Variants in RB1CC1 observed in about 807,000 individuals in gnomAD.
RB1CC1 encodes RB1 inducible coiled-coil 1, also known as RB1-inducible coiled-coil protein 1.
In RB1CC1, 46 loss-of-function variants were observed where a neutral mutation model predicts 177.5. The ratio of observed to expected loss-of-function variants is 0.26; its 90% CI spans 0.20 to 0.33. The LOEUF is 0.33. Among genes scored for constraint, RB1CC1 ranks in the 10% least tolerant of loss-of-function variants. The pLI is 1.00. For synonymous variants in RB1CC1, 666 were observed against 613.6 expected (o/e 1.09, Z -1.26); for missense variants, 1,703 against 1,816.3 (o/e 0.94, Z 1.13).
intron 6 of RB1CC1, among the ~76,000 whole-genome samples, chr8:52,675,717 A>C (rs1175816623): frequency 1.8e-4 from 26 of 147,226 alleles, no homozygotes; most frequent in African/African-American, 6.4e-4. Flanking sequence ...AAAAATCCAA[A>C]AAAAAAAAAA....
intron 1 of RB1CC1, among the ~76,000 whole-genome samples, chr8:52,703,644 G>A (rs976399302): frequency 1.3e-5 from 2 of 152,138 alleles, no homozygotes; most frequent in African/African-American, 4.8e-5. Context: ...AGTACTGACA[G>A]CCCATACTTC....
At chr8:52,653,467 C>T (rs994167116) in intron 15 of RB1CC1, among the ~76,000 whole-genome samples, 2 of 152,026 alleles carry the variant, frequency 1.3e-5, no homozygotes, top group Non-Finnish European at 2.9e-5. Flanking sequence ...CGGTTAAAGA[C>T]CTACTAAAAC....
intron 15 of RB1CC1, among the ~76,000 whole-genome samples, chr8:52,646,107 T>A: frequency 6.6e-6 from 1 of 152,200 alleles, no homozygotes; most frequent in African/African-American, 2.4e-5. Flanking sequence ...AAATTCCAGA[T>A]AATTTGCTTA....
Position 52,649,223 on chromosome 8 carries a change from T to C in RB1CC1, c.3822-3356A>G, listed in dbSNP as rs117076033. Among the ~76,000 whole-genome samples the C allele has an allele frequency of 1.6e-3, 242 of 152,302 alleles. 1 individual carries two copies. Among genetic ancestry groups the C allele is most frequent in the Middle Eastern group, 3.4e-3 (1 of 294 alleles). ...AAAGGTTGTCCAACTAAAAGAAACT[T>C]GCATAATCCTGTCTTTGCATACCTG... On this transcript the variant is annotated intron_variant, in intron 15 of 23. Coordinates refer to ENST00000025008, the MANE Select transcript of RB1CC1 (RefSeq NM_014781.5).
chr8:52,690,534 G>A (rs1397874498), intron 1 of RB1CC1, among the ~76,000 whole-genome samples: 1 of 152,198 alleles, frequency 6.6e-6, no homozygotes, highest in Non-Finnish European at 1.5e-5. Flanking sequence ...GTGATCAAAG[G>A]AGGCCTCTAC....
At chr8:52,686,829 A>C (rs1048364358) in intron 2 of RB1CC1, 24 bp downstream of exon 2, 3 of 435,772 alleles carry the variant, frequency 6.9e-6, no homozygotes, top group African/African-American at 2.1e-5. Flanking sequence ...AAACTCTGCT[A>C]TACAGGTAGA....
chr8:52,661,087 T>C lies in RB1CC1; in HGVS notation c.1545+8A>G. The C allele has an allele frequency of 6.2e-7, 1 of 1,611,718 alleles. No individual in the cohort carries two copies. The highest frequency in any genetic ancestry group is 1.3e-5 in the African/African-American group (1 of 74,808). On this transcript the variant is annotated splice_region_variant and intron_variant, in intron 10 of 23. Transcript: ENST00000025008. The stretch of plus-strand genomic sequence containing the variant: ...ATATACAGTTAAAATAGAATTCAAC[T>C]TGCATACCTCCCTGTAGTGTTTTAT...
At chr8:52,643,404 T>C (rs955665020) in intron 16 of RB1CC1, among the ~76,000 whole-genome samples, 1 of 152,178 alleles carries the variant, frequency 6.6e-6, no homozygotes, top group African/African-American at 2.4e-5. Flanking sequence ...TGAATCTGTA[T>C]AAAAATTTTG....
chr8:52,661,033 CAT>C (rs1380509337), intron 10 of RB1CC1, 26 bp from the exon 11 acceptor site: 1 of 1,611,230 alleles, frequency 6.2e-7, no homozygotes, highest in South Asian at 1.1e-5. Context: ...TTATGTTAAA[CAT>C]AAACATACAC....
chr8:52,681,743 C>T (rs900883469), intron 5 of RB1CC1, among the ~76,000 whole-genome samples: 1 of 152,174 alleles, frequency 6.6e-6, no homozygotes, highest in African/African-American at 2.4e-5. Flanking sequence ...CCAACCTCGG[C>T]AACGCAGTGA....
intron 7 of RB1CC1, among the ~76,000 whole-genome samples, chr8:52,668,828 A>G (rs1852305609): frequency 6.6e-6 from 1 of 152,156 alleles, no homozygotes; most frequent in African/African-American, 2.4e-5. Context: ...ACCTTGCTTC[A>G]CTTGAGGCTC....
At chr8:52,662,559 A>G (rs1023831515) in intron 8 of RB1CC1, among the ~76,000 whole-genome samples, 36 of 152,176 alleles carry the variant, frequency 2.4e-4, no homozygotes, top group African/African-American at 8.4e-4. Context: ...ATAATGTTGT[A>G]GGTTTTGTAC....
intron 12 of RB1CC1, 31 bp from the exon 13 acceptor site, chr8:52,659,007 T>G (rs766133498): frequency 7.5e-7 from 1 of 1,339,766 alleles, no homozygotes; most frequent in African/African-American, 1.5e-5. Flanking sequence ...ACTTAAAAAA[T>G]TTTTTTTCAA....
intron 5 of RB1CC1, among the ~76,000 whole-genome samples, chr8:52,682,844 A>C (rs1311916625): frequency 6.6e-6 from 1 of 152,178 alleles, no homozygotes; most frequent in Non-Finnish European, 1.5e-5. Context: ...ATTTCCTTTT[A>C]ATGTTGTATC....
chr8:52,691,288 T>C (rs1050116894), intron 1 of RB1CC1, among the ~76,000 whole-genome samples: 20 of 152,136 alleles, frequency 1.3e-4, no homozygotes, highest in Admixed American at 5.2e-4. Context: ...TTAAAGCAAA[T>C]TGAGGGAAAC....
Position 52,645,695 on chromosome 8 carries a change from T to G in RB1CC1, c.3987+7A>C. ...TTCTCAAATGAAATGGGAAAAGAGA[T>G]ACAGACCTGTTGTTCCGCAATCAAA... is the stretch of plus-strand genomic sequence containing the variant. On this transcript the variant is annotated splice_region_variant and intron_variant, in intron 16 of 23. Transcript: ENST00000025008. 1 of 1,609,416 alleles carries G rather than the reference T, an allele frequency of 6.2e-7. No homozygotes were observed. Among genetic ancestry groups the G allele is most frequent in the Non-Finnish European group, 8.5e-7 (1 of 1,178,230 alleles).
chr8:52,634,835 T>C, intron 20 of RB1CC1, 86 bp downstream of exon 20: 1 of 1,167,024 alleles, frequency 8.6e-7, no homozygotes, highest in Non-Finnish European at 1.2e-6. Context: ...AAAGCATACA[T>C]CCTCTGATGG....
chr8:52,641,384 C>CA (rs33912526), intron 18 of RB1CC1, among the ~76,000 whole-genome samples: 41,584 of 97,288 alleles, frequency 0.43, 8,677 homozygotes, highest in East Asian at 0.66. Flanking sequence ...GACTTCATCT[C>CA]AAAAAAAAAA....
intron 1 of RB1CC1, among the ~76,000 whole-genome samples, chr8:52,689,805 T>C (rs1342906828): frequency 1.3e-5 from 2 of 152,146 alleles, no homozygotes; most frequent in Non-Finnish European, 2.9e-5. Flanking sequence ...CCCTTCCACC[T>C]GCCCTAGCCT....
Sources: allele counts gnomAD v4.1 joint callset (sites outside exome capture counted in the v4.1 genomes callset), GRCh38; gene constraint gnomAD v4.1.1; transcripts MANE v1.5; gene names NCBI Gene and HGNC (gene_info 2026-07-23, HGNC 2026-07-21).